The following PTPRD variants were observed in gnomAD, a reference collection of about 807,000 sequenced individuals.
PTPRD encodes protein tyrosine phosphatase receptor type D.
PTPRD carries 34 observed loss-of-function variants against 214.5 expected under a neutral mutation model. The ratio of observed to expected loss-of-function variants is 0.16; its 90% CI spans 0.12 to 0.21. PTPRD has a LOEUF of 0.21. Among genes scored for constraint, PTPRD ranks in the 10% least tolerant of loss-of-function variants. PTPRD has a pLI of 1.00. For missense variants in PTPRD, 2,545 were observed against 2,398.7 expected (o/e 1.06, Z -1.27); for synonymous variants, 1,128 against 845.7 (o/e 1.33, Z -5.79).
At chr9:8,667,179 A>C (rs1757253625) in intron 12 of PTPRD, among the ~76,000 whole-genome samples, 1 of 152,018 alleles carries the variant, frequency 6.6e-6, no homozygotes, top group Admixed American at 6.6e-5. Flanking sequence ...TCTCTACTAA[A>C]AATACAAAAA....
At chr9:10,513,349 C>T (rs1326189982) in intron 2 of PTPRD, among the ~76,000 whole-genome samples, 1 of 152,068 alleles carries the variant, frequency 6.6e-6, no homozygotes, top group East Asian at 1.9e-4. Flanking sequence ...GTGAGACACT[C>T]AGCTGTTAGT....
chr9:8,918,934 A>G (rs1405747277), intron 11 of PTPRD, among the ~76,000 whole-genome samples: 1 of 152,154 alleles, frequency 6.6e-6, no homozygotes, highest in Non-Finnish European at 1.5e-5. Context: ...TGGTCTGTTA[A>G]CAAACCTCAG....
chr9:9,025,231 A>G (rs1398983894), intron 10 of PTPRD, among the ~76,000 whole-genome samples: 1 of 151,816 alleles, frequency 6.6e-6, no homozygotes, highest in Non-Finnish European at 1.5e-5. Context: ...TTTTCTTGAC[A>G]TTTTTTCTAA....
chr9:8,659,818 G>A (rs558546539), intron 12 of PTPRD, among the ~76,000 whole-genome samples: 6 of 152,038 alleles, frequency 3.9e-5, no homozygotes, highest in South Asian at 2.1e-4. Context: ...TAATATCAAC[G>A]TTCTCTAAAT....
chr9:9,492,720 A>AT (rs879413090), intron 8 of PTPRD, among the ~76,000 whole-genome samples: 85 of 146,864 alleles, frequency 5.8e-4, no homozygotes, highest in South Asian at 2.8e-3. Context: ...CACTTCACAG[A>AT]TTTTTTTTTT....
intron 3 of PTPRD, among the ~76,000 whole-genome samples, chr9:10,098,795 G>T (rs143418845): frequency 1.3e-4 from 19 of 151,844 alleles, no homozygotes; most frequent in African/African-American, 4.1e-4. Flanking sequence ...CAGTTGAATG[G>T]CAAAGACATG....
At chr9:8,987,644 G>C (rs912180804) in intron 11 of PTPRD, among the ~76,000 whole-genome samples, 3 of 152,006 alleles carry the variant, frequency 2.0e-5, no homozygotes, top group African/African-American at 7.2e-5. Flanking sequence ...GTGGACTAGT[G>C]GTTTAGATTT....
chr9:10,503,764 T>C (rs2044712760), intron 2 of PTPRD, among the ~76,000 whole-genome samples: 1 of 151,466 alleles, frequency 6.6e-6, no homozygotes, highest in South Asian at 2.1e-4. Context: ...GGAAGGAAAA[T>C]AAAGCCAAAT....
At chr9:9,445,036 C>G (rs1466303683) in intron 8 of PTPRD, among the ~76,000 whole-genome samples, 1 of 152,046 alleles carries the variant, frequency 6.6e-6, no homozygotes, top group Non-Finnish European at 1.5e-5. Context: ...AATGAGTGAG[C>G]AACAAACACA....
chr9:8,553,770 C>CTA (rs2082834075), intron 14 of PTPRD, among the ~76,000 whole-genome samples: 2 of 152,150 alleles, frequency 1.3e-5, no homozygotes, highest in African/African-American at 4.8e-5. Flanking sequence ...CTATATAACC[C>CTA]TATTTTAATA....
intron 11 of PTPRD, among the ~76,000 whole-genome samples, chr9:8,821,596 G>A (rs1489467248): frequency 6.6e-6 from 1 of 152,166 alleles, no homozygotes; most frequent in African/African-American, 2.4e-5. Flanking sequence ...CACTTTGTGA[G>A]AAACAACTAA....
intron 2 of PTPRD, among the ~76,000 whole-genome samples, chr9:10,391,360 G>C (rs775855180): frequency 6.6e-6 from 1 of 151,646 alleles, no homozygotes; most frequent in African/African-American, 2.4e-5. Context: ...CATAGTCAGA[G>C]AGGGGCCTAA....
chr9:8,729,747 G>A (rs1159562135), intron 12 of PTPRD, among the ~76,000 whole-genome samples: 1 of 152,204 alleles, frequency 6.6e-6, no homozygotes, highest in African/African-American at 2.4e-5. Context: ...ATCACAGCCA[G>A]ACTTCAAAAC....
In PTPRD at chr9:9,365,912, G is replaced by A. The variant is rs147690267; in HGVS notation, c.-203+31537C>T. ...AATTAATTCATTCATTAGAATTGTG[G>A]TAACTGAACATAGTTACAAGAAAAT... is the stretch of plus-strand genomic sequence containing the variant. On this transcript the variant is annotated intron_variant, in intron 9 of 45. Coordinates refer to ENST00000381196, the MANE Select transcript of PTPRD (RefSeq NM_002839.4). Among the ~76,000 whole-genome samples the A allele has an allele frequency of 5.7e-3, 860 of 151,532 alleles. 8 individuals carry two copies. The highest frequency in any genetic ancestry group is 0.019 in the African/African-American group (798 of 41,418).
rs144786620 is a variant in PTPRD, at chr9:9,720,654, G to C, written c.-287+13879C>G. Among the ~76,000 whole-genome samples the C allele has an allele frequency of 4.1e-3, 622 of 152,208 alleles. 3 individuals carry two copies. The highest frequency in any genetic ancestry group is 0.014 in the African/African-American group (594 of 41,534). Reference sequence around the variant, plus strand: ...TGGCTTCATTTGCTGCATTGAGACAGTGCAAAAAATAAGAGTGTTCATAAA... The same window carrying C: ...TGGCTTCATTTGCTGCATTGAGACACTGCAAAAAATAAGAGTGTTCATAAA... On this transcript the variant is annotated intron_variant, in intron 7 of 45. Coordinates refer to ENST00000381196, the MANE Select transcript of PTPRD (RefSeq NM_002839.4).
intron 7 of PTPRD, among the ~76,000 whole-genome samples, chr9:9,604,497 T>A (rs977409730): frequency 4.6e-5 from 7 of 152,192 alleles, no homozygotes; most frequent in African/African-American, 1.7e-4. Flanking sequence ...TTCTGTTAAA[T>A]AAAGGTGTTC....
intron 10 of PTPRD, among the ~76,000 whole-genome samples, chr9:9,061,847 G>C (rs2099708074): frequency 6.6e-6 from 1 of 151,978 alleles, no homozygotes; most frequent in Non-Finnish European, 1.5e-5. Context: ...AGAGAGGCAG[G>C]GTTGCTCCCA....
intron 10 of PTPRD, among the ~76,000 whole-genome samples, chr9:9,111,396 C>T (rs1045599579): frequency 2.6e-5 from 4 of 151,740 alleles, no homozygotes; most frequent in African/African-American, 7.3e-5. Flanking sequence ...TTCTGATCGC[C>T]GCCTTCCTAG....
chr9:8,672,395 C>T (rs1472737065), intron 12 of PTPRD, among the ~76,000 whole-genome samples: 2 of 152,062 alleles, frequency 1.3e-5, no homozygotes, highest in South Asian at 4.1e-4. Flanking sequence ...CTACACATAT[C>T]TACAAAACAT....
Sources: allele counts gnomAD v4.1 joint callset (sites outside exome capture counted in the v4.1 genomes callset), GRCh38; gene constraint gnomAD v4.1.1; transcripts MANE v1.5; gene names NCBI Gene and HGNC (gene_info 2026-07-23, HGNC 2026-07-21).